ABLIM1: variants seen among roughly 807,000 people sequenced by gnomAD.
ABLIM1 encodes the protein actin-binding LIM protein 1.
Under a neutral mutation model 107.0 loss-of-function variants are expected in ABLIM1, and 40 were observed. The ratio of observed to expected loss-of-function variants is 0.37; its 90% CI spans 0.29 to 0.49. The LOEUF (loss-of-function observed/expected upper bound fraction) is 0.49. ABLIM1 is among the 20% of genes least tolerant of loss of function. The pLI is 0.97. For missense variants in ABLIM1, 857 were observed against 1,008.5 expected (o/e 0.85, Z 2.04); for synonymous variants, 357 against 357.3 (o/e 1.00, Z 0.01).
At chr10:114,462,952 A>G (rs2064257022) in intron 12 of ABLIM1, 1 of 1,265,726 alleles carries the variant, frequency 7.9e-7, no homozygotes, top group Admixed American at 2.3e-5. Flanking sequence ...AAAGCTCGGC[A>G]CTAACTCTTG....
At chr10:114,447,442 C>T (rs906186471) in intron 15 of ABLIM1, among the ~76,000 whole-genome samples, 2 of 152,188 alleles carry the variant, frequency 1.3e-5, no homozygotes, top group Admixed American at 6.5e-5. Flanking sequence ...AGAATTATAA[C>T]TACAACCCAG....
At chr10:114,507,639 C>T (rs918342036) in intron 6 of ABLIM1, among the ~76,000 whole-genome samples, 10 of 152,192 alleles carry the variant, frequency 6.6e-5, no homozygotes, top group African/African-American at 2.2e-4. Context: ...GCCACACCTG[C>T]TGTACCAGGC....
chr10:114,562,514 G>T (rs570036061), intron 4 of ABLIM1, among the ~76,000 whole-genome samples: 1 of 152,316 alleles, frequency 6.6e-6, no homozygotes, highest in South Asian at 2.1e-4. Context: ...GGGCAACACA[G>T]TGAGACTCCA....
chr10:114,601,085 C>T (rs948555953), intron 2 of ABLIM1, among the ~76,000 whole-genome samples: 1 of 141,068 alleles, frequency 7.1e-6, no homozygotes, highest in Non-Finnish European at 1.6e-5. Context: ...CACACACACA[C>T]ACACACACAC....
At chr10:114,760,036 C>T (rs1268410169) in intron 1 of ABLIM1, among the ~76,000 whole-genome samples, 2 of 152,164 alleles carry the variant, frequency 1.3e-5, no homozygotes, top group Non-Finnish European at 2.9e-5. Context: ...AAAACCATGA[C>T]AATCTTTACT....
At chr10:114,573,011 A>G (rs2483567) in intron 3 of ABLIM1, among the ~76,000 whole-genome samples, 104,924 of 152,014 alleles carry the variant, frequency 0.69, 36,678 homozygotes, top group Middle Eastern at 0.77. Context: ...TTTTAGACCC[A>G]AGTCCCACAC....
At chr10:114,657,807 A>G in intron 1 of ABLIM1, 150 bp downstream of exon 1, 1 of 674,654 alleles carries the variant, frequency 1.5e-6, no homozygotes, top group South Asian at 2.7e-5. Context: ...TACATTCTCC[A>G]TCTCTCCCAC....
At chr10:114,764,973 G>A (rs941306617) in intron 1 of ABLIM1, 1 of 152,432 alleles carries the variant, frequency 6.6e-6, no homozygotes, top group African/African-American at 2.4e-5. Flanking sequence ...GGACAAGTAA[G>A]TCAAGCAAAT....
At chr10:114,568,477 A>G (rs1194746054) in intron 4 of ABLIM1, among the ~76,000 whole-genome samples, 3 of 152,246 alleles carry the variant, frequency 2.0e-5, no homozygotes, top group Non-Finnish European at 2.9e-5. Flanking sequence ...CAATTCTTGA[A>G]GAGTCACGAA....
intron 4 of ABLIM1, among the ~76,000 whole-genome samples, chr10:114,562,586 C>T (rs537754248): frequency 4.5e-4 from 68 of 152,320 alleles, no homozygotes; most frequent in Non-Finnish European, 9.1e-4. Flanking sequence ...ACAAATTTAT[C>T]AGAAGCAATA....
the ABLIM1 span, among the ~76,000 whole-genome samples, chr10:114,775,274 G>A: frequency 1.3e-5 from 2 of 152,094 alleles, no homozygotes; most frequent in African/African-American, 2.4e-5. Flanking sequence ...TCCACACGTG[G>A]GGATTACAAT....
intron 2 of ABLIM1, among the ~76,000 whole-genome samples, chr10:114,581,196 A>T (rs773519346): frequency 4.1e-4 from 62 of 151,162 alleles, no homozygotes; most frequent in Middle Eastern, 3.4e-3. Context: ...GAAATCTTTT[A>T]AAAAAAGTAA....
chr10:114,546,929 T>C (rs2067423255), intron 5 of ABLIM1, among the ~76,000 whole-genome samples: 1 of 151,844 alleles, frequency 6.6e-6, no homozygotes, highest in African/African-American at 2.4e-5. Flanking sequence ...TACAGGCATG[T>C]GCCACCATGC....
In ABLIM1 at chr10:114,447,932, T is replaced by C. The variant is rs1408020239; in HGVS notation, c.1683A>G (p.Thr561=). ...PAAQAPDPSE[T]PKIETDHWPG... Reference sequence around the variant, plus strand: ...GCCAGTGGTCCGTCTCAATCTTTGGTGTCTCGCTGGGGTCTGGTGCCTGGG... The same window carrying C: ...GCCAGTGGTCCGTCTCAATCTTTGGCGTCTCGCTGGGGTCTGGTGCCTGGG... Residue 561 remains threonine (T), a synonymous_variant, in exon 15 of 23, where the codon ACA becomes ACG. Transcript: ENST00000533213. The C allele has an allele frequency of 6.2e-7, 1 of 1,614,140 alleles. No homozygotes were observed. Among genetic ancestry groups the C allele is most frequent in the Admixed American group, 1.7e-5 (1 of 60,014 alleles).
chr10:114,639,815 C>T (rs973303064), intron 1 of ABLIM1, among the ~76,000 whole-genome samples: 2 of 152,190 alleles, frequency 1.3e-5, no homozygotes, highest in Admixed American at 6.5e-5. Flanking sequence ...GAGATGCGTG[C>T]AGTTTGTGTG....
intron 2 of ABLIM1, among the ~76,000 whole-genome samples, chr10:114,601,410 C>T (rs145589581): frequency 0.026 from 3,955 of 151,958 alleles, 189 homozygotes; most frequent in African/African-American, 0.09. Flanking sequence ...GGATTACAGA[C>T]GCCCACCACT....
At chr10:114,452,950 G>T (rs1454357970) in intron 13 of ABLIM1, among the ~76,000 whole-genome samples, 1 of 152,156 alleles carries the variant, frequency 6.6e-6, no homozygotes, top group Admixed American at 6.5e-5. Context: ...CTCCACATTA[G>T]AGAAAAACAG....
At chr10:114,512,827 A>G (rs1171622760) in intron 6 of ABLIM1, among the ~76,000 whole-genome samples, 1 of 81,774 alleles carries the variant, frequency 1.2e-5, no homozygotes, top group Non-Finnish European at 2.4e-5. Flanking sequence ...TCCATCAGAT[A>G]GAAGGAAGGA....
At chr10:114,719,337 A>G (rs1272276622) in intron 1 of ABLIM1, among the ~76,000 whole-genome samples, 1 of 152,206 alleles carries the variant, frequency 6.6e-6, no homozygotes, top group African/African-American at 2.4e-5. Flanking sequence ...AATTTTGAAC[A>G]GCCCTGAGAA....
Sources: allele counts gnomAD v4.1 joint callset (sites outside exome capture counted in the v4.1 genomes callset), GRCh38; gene constraint gnomAD v4.1.1; transcripts MANE v1.5; gene names NCBI Gene and HGNC (gene_info 2026-07-23, HGNC 2026-07-21).